Variants in BRWD1 observed in about 807,000 individuals in gnomAD.
The protein encoded by BRWD1 is bromodomain and WD repeat domain containing 1, also known as bromodomain and WD repeat-containing protein 1.
BRWD1 carries 82 observed loss-of-function variants against 251.2 expected under a neutral mutation model. That is an observed-to-expected ratio of 0.33 (90% confidence interval 0.27 to 0.39). BRWD1 has a LOEUF of 0.39. Ranked by LOEUF, BRWD1 falls within the 10% of genes least tolerant of loss-of-function variation. The pLI is 1.00. For missense variants in BRWD1, 2,233 were observed against 2,711.6 expected (o/e 0.82, Z 3.92); for synonymous variants, 918 against 902.8 (o/e 1.02, Z -0.30).
At chr21:39,309,898 T>G (rs1003419860) in intron 4 of BRWD1, among the ~76,000 whole-genome samples, 11 of 151,884 alleles carry the variant, frequency 7.2e-5, no homozygotes, top group Admixed American at 6.6e-5. Flanking sequence ...ATATTGGCAC[T>G]TGATGATATA....
At chr21:39,282,951 C>T in intron 8 of BRWD1, among the ~76,000 whole-genome samples, 1 of 139,024 alleles carries the variant, frequency 7.2e-6, no homozygotes, top group East Asian at 2.0e-4. Context: ...AAGAGCGGAA[C>T]TCCGTCACAA....
intron 35 of BRWD1, among the ~76,000 whole-genome samples, chr21:39,210,477 A>G (rs1232351457): frequency 1.3e-5 from 2 of 152,096 alleles, no homozygotes; most frequent in Non-Finnish European, 2.9e-5. Flanking sequence ...AAAGAGTGCA[A>G]ACAGACACGT....
chr21:39,247,845 A>G lies in BRWD1; in HGVS notation c.2350-13T>C, dbSNP rs1253798559. The stretch of plus-strand genomic sequence containing the variant: ...CCACTGAATCCGACTGAAACACAGA[A>G]AAACATGCGAATGAAAATCAACACC... On this transcript the variant is annotated splice_polypyrimidine_tract_variant and intron_variant, in intron 20 of 40. Transcript: ENST00000342449. 6.3e-7 allele frequency: 1 copy of G among 1,583,954 alleles called. No homozygotes were observed. The highest frequency in any genetic ancestry group is 8.6e-7 in the Non-Finnish European group (1 of 1,166,810).
intron 25 of BRWD1, among the ~76,000 whole-genome samples, chr21:39,230,371 CCAAA>C (rs1408242156): frequency 2.0e-5 from 3 of 152,120 alleles, no homozygotes; most frequent in African/African-American, 4.8e-5. Context: ...TTATAATGTA[CCAAA>C]CAAAGTGCTA....
At chr21:39,297,748 TA>T in intron 5 of BRWD1, 1 of 516,914 alleles carries the variant, frequency 1.9e-6, no homozygotes, top group Non-Finnish European at 2.5e-6. Flanking sequence ...TAGCTCGTAA[TA>T]AAAAATAATC....
At chr21:39,315,001 C>T (rs945503411), upstream of BRWD1, 3 of 152,142 alleles carry the variant, frequency 2.0e-5, no homozygotes, top group African/African-American at 7.2e-5. Flanking sequence ...CACCAAATAG[C>T]AAAAGCTTTT....
Position 39,206,292 on chromosome 21 carries a change from C to A in BRWD1, c.4198-18G>T. 6.6e-7 allele frequency: 1 copy of A among 1,509,056 alleles called. No homozygotes were observed. The highest frequency in any genetic ancestry group is 9.0e-7 in the Non-Finnish European group (1 of 1,110,020). 93.5% of individuals were successfully genotyped at this position (1,509,056 alleles called of 1,614,324 possible). ...CTATAAATCTGCAAGGATATAAAAACAAAGTAGAATTACAAAATAGCCTTA... is the reference window on the plus strand; with the variant it reads ...CTATAAATCTGCAAGGATATAAAAAAAAAGTAGAATTACAAAATAGCCTTA... On this transcript the variant is annotated intron_variant, in intron 36 of 40. Transcript: ENST00000342449.
intron 31 of BRWD1, among the ~76,000 whole-genome samples, chr21:39,215,712 G>GCCCAGCAAGCTGGGATTACACCTGTAAT (rs1397163851): frequency 3.3e-5 from 5 of 152,070 alleles, no homozygotes; most frequent in Admixed American, 6.5e-5. Context: ...CTAAAAGCTG[G>GCCCAGCAAGCTGGGATTACACCTGTAAT]CCCAGCAAGC....
At chr21:39,230,811 A>G (rs112528890) in intron 25 of BRWD1, among the ~76,000 whole-genome samples, 3,559 of 152,236 alleles carry the variant, frequency 0.023, 68 homozygotes, top group Non-Finnish European at 0.036. Context: ...AGAGCTTAAA[A>G]AAAAAAAAAG....
intron 37 of BRWD1, among the ~76,000 whole-genome samples, chr21:39,204,266 T>G (rs900953212): frequency 6.6e-6 from 1 of 150,856 alleles, no homozygotes; most frequent in African/African-American, 2.4e-5. Context: ...AGTATTAATA[T>G]AAAATCGATT....
intron 8 of BRWD1, among the ~76,000 whole-genome samples, chr21:39,280,680 G>C (rs1322321081): frequency 6.6e-6 from 1 of 152,124 alleles, no homozygotes; most frequent in Non-Finnish European, 1.5e-5. Flanking sequence ...CCTAATCTAA[G>C]ACTTAAGTAC....
chr21:39,251,471 G>A (rs919298166), intron 19 of BRWD1, among the ~76,000 whole-genome samples: 36 of 152,000 alleles, frequency 2.4e-4, no homozygotes, highest in South Asian at 1.0e-3. Context: ...TTAAAAACAC[G>A]TGGCTTTTAT....
rs757752919 is a variant in BRWD1, at chr21:39,272,304, AT to A, written c.1245-1872del. ...TGTGCACATGTACCCTAAAACTTAA[AT>A]AAATAAAAAAAAAAAAAAAGACCAT... On this transcript the variant is annotated intron_variant, in intron 13 of 40. Coordinates refer to ENST00000342449, the MANE Select transcript of BRWD1 (RefSeq NM_033656.4). Among the ~76,000 whole-genome samples the A allele has an allele frequency of 2.0e-3, 240 of 123,020 alleles. 11 individuals carry two copies. Among genetic ancestry groups the A allele is most frequent in the South Asian group, 5.8e-3 (22 of 3,816 alleles). 80.7% of individuals were successfully genotyped at this position (123,020 alleles called of 152,430 possible). A position where few individuals can be genotyped will look rare whatever the true frequency, so the allele number is the denominator to read the frequency against.
intron 8 of BRWD1, among the ~76,000 whole-genome samples, chr21:39,281,725 A>C (rs1434271352): frequency 6.6e-6 from 1 of 152,036 alleles, no homozygotes; most frequent in Non-Finnish European, 1.5e-5. Context: ...AAAAGTAGGC[A>C]GGAGTGGTGG....
chr21:39,217,010 A>AATATAT (rs67133519), intron 31 of BRWD1: 3 of 78,134 alleles, frequency 3.8e-5, no homozygotes, highest in East Asian at 5.7e-4. Flanking sequence ...AGCTCCCACA[A>AATATAT]ATATATATAT....
intron 23 of BRWD1, among the ~76,000 whole-genome samples, chr21:39,234,640 A>C (rs981055196): frequency 5.3e-5 from 8 of 152,230 alleles, no homozygotes; most frequent in Non-Finnish European, 1.5e-5. Context: ...GAGTTTTTAC[A>C]ATTTAAATGG....
chr21:39,248,412 G>C (rs767193518), intron 20 of BRWD1, among the ~76,000 whole-genome samples: 2 of 151,792 alleles, frequency 1.3e-5, no homozygotes, highest in Non-Finnish European at 2.9e-5. Flanking sequence ...AGGAGTTCGA[G>C]ACCAACCCAG....
At chr21:39,319,770 A>T (rs1182118106) in intron 1 of BRWD1, among the ~76,000 whole-genome samples, 1 of 151,938 alleles carries the variant, frequency 6.6e-6, no homozygotes, top group African/African-American at 2.4e-5. Flanking sequence ...CTCCATTCCC[A>T]CTTAGTTCAG....
chr21:39,311,948 A>T (rs2036498384), intron 4 of BRWD1, among the ~76,000 whole-genome samples: 1 of 152,168 alleles, frequency 6.6e-6, no homozygotes, highest in Admixed American at 6.5e-5. Context: ...GTAAAAGATC[A>T]CTCAGAAGCT....
Sources: allele counts gnomAD v4.1 joint callset (sites outside exome capture counted in the v4.1 genomes callset), GRCh38; gene constraint gnomAD v4.1.1; transcripts MANE v1.5; gene names NCBI Gene and HGNC (gene_info 2026-07-23, HGNC 2026-07-21).